Variants in SNX25 observed in about 807,000 individuals in gnomAD.
The protein encoded by SNX25 is sorting nexin 25, also known as sorting nexin-25.
In SNX25, 62 loss-of-function variants were observed where a neutral mutation model predicts 113.7. That is an observed-to-expected ratio of 0.55 (90% CI 0.44 to 0.67). SNX25 has a LOEUF of 0.67. Among genes scored for constraint, SNX25 ranks in the 30% least tolerant of loss-of-function variants. The pLI, the probability that SNX25 is intolerant of heterozygous loss-of-function variation, is 0.00. For synonymous variants in SNX25, 421 were observed against 436.2 expected, an observed-to-expected ratio of 0.97 and a Z score of 0.43; for missense variants, 1,014 against 1,161.0, an observed-to-expected ratio of 0.87 and a Z score of 1.84.
chr4:185,278,553 G>A (rs998298806), intron 5 of SNX25, among the ~76,000 whole-genome samples: 4 of 152,094 alleles, frequency 2.6e-5, no homozygotes, highest in African/African-American at 9.7e-5. Context: ...GTCTTTCAGT[G>A]AGAGCTAAAA....
At chr4:185,259,155 C>A in intron 3 of SNX25, 91 bp downstream of exon 3, 1 of 1,045,176 alleles carries the variant, frequency 9.6e-7, no homozygotes, top group Non-Finnish European at 1.4e-6. Context: ...CTAGAATATT[C>A]TGCCTATTGC....
At chr4:185,361,217 C>T (rs148965239) in intron 16 of SNX25, among the ~76,000 whole-genome samples, 1 of 152,162 alleles carries the variant, frequency 6.6e-6, no homozygotes, top group Non-Finnish European at 1.5e-5. Flanking sequence ...AAAGCCTGCT[C>T]CTCCTGCGGA....
intron 9 of SNX25, among the ~76,000 whole-genome samples, chr4:185,328,784 C>T (rs193142476): frequency 7.8e-4 from 118 of 152,200 alleles, no homozygotes; most frequent in African/African-American, 2.7e-3. Flanking sequence ...CCAGGCGCTT[C>T]CTGGAGAGGG....
chr4:185,276,483 A>G (rs1749698159), intron 5 of SNX25, among the ~76,000 whole-genome samples: 1 of 152,188 alleles, frequency 6.6e-6, no homozygotes, highest in African/African-American at 2.4e-5. Context: ...AACAAACAAG[A>G]CCAAAATGTC....
chr4:185,293,917 A>G (rs930638062), intron 6 of SNX25, among the ~76,000 whole-genome samples: 1 of 152,204 alleles, frequency 6.6e-6, no homozygotes, highest in Non-Finnish European at 1.5e-5. Context: ...GAAAACTTTA[A>G]AAAATATCTT....
At chr4:185,375,516 G>GTATATATATATATATATGTA in the SNX25 span, 1 of 46,680 alleles carries the variant, frequency 2.1e-5, no homozygotes, top group African/African-American at 8.8e-5. Context: ...ATATATATAT[G>GTATATATATATATATATGTA]TATATATATA....
chr4:185,357,777 T>C (rs188224058), intron 16 of SNX25, 40 bp downstream of exon 16: 23 of 1,529,806 alleles, frequency 1.5e-5, no homozygotes, highest in Admixed American at 6.7e-5. Context: ...CATGCCCTAC[T>C]CTTTTGCCTT....
intron 10 of SNX25, among the ~76,000 whole-genome samples, chr4:185,338,299 G>A (rs1213381448): frequency 2.1e-5 from 3 of 144,026 alleles, no homozygotes; most frequent in African/African-American, 7.8e-5. Context: ...TTTTTGAGAC[G>A]GAGTCTCACT....
intron 5 of SNX25, among the ~76,000 whole-genome samples, chr4:185,272,657 A>G (rs74659404): frequency 1.3e-5 from 2 of 152,188 alleles, no homozygotes; most frequent in African/African-American, 2.4e-5. Flanking sequence ...TCTCTTGTAA[A>G]TGGAGTATTC....
intron 13 of SNX25, among the ~76,000 whole-genome samples, chr4:185,347,960 C>T (rs1389540193): frequency 1.3e-5 from 2 of 152,070 alleles, no homozygotes; most frequent in African/African-American, 4.8e-5. Flanking sequence ...TTAATTTAGC[C>T]CACTTTATCA....
chr4:185,325,640 C>A (rs1214490650), intron 9 of SNX25, among the ~76,000 whole-genome samples: 3 of 151,760 alleles, frequency 2.0e-5, no homozygotes, highest in Non-Finnish European at 1.5e-5. Flanking sequence ...ATTAAATAGA[C>A]CTTTTAAATT....
intron 1 of SNX25, among the ~76,000 whole-genome samples, chr4:185,219,779 TATGTAA>T (rs1398115360): frequency 1.3e-5 from 2 of 152,086 alleles, no homozygotes; most frequent in East Asian, 3.9e-4. Flanking sequence ...CTCTTCCTCT[TATGTAA>T]ATCAACTCAT....
At chr4:185,345,677 G>C (rs574898051) in intron 12 of SNX25, among the ~76,000 whole-genome samples, 7 of 152,024 alleles carry the variant, frequency 4.6e-5, no homozygotes, top group African/African-American at 1.7e-4. Flanking sequence ...TGTAGTCCCA[G>C]CTACTTGGGA....
chr4:185,295,006 C>A (rs915748850), intron 6 of SNX25, among the ~76,000 whole-genome samples: 2 of 152,122 alleles, frequency 1.3e-5, no homozygotes, highest in Non-Finnish European at 2.9e-5. Flanking sequence ...TTCTAGATAG[C>A]TGCATTAAAA....
At chr4:185,239,419 C>G (rs1743256883) in intron 1 of SNX25, among the ~76,000 whole-genome samples, 1 of 152,100 alleles carries the variant, frequency 6.6e-6, no homozygotes, top group Admixed American at 6.5e-5. Flanking sequence ...GGACGCGGAG[C>G]TTGCAGTGAG....
downstream of SNX25, chr4:185,365,872 T>A (rs562092484): frequency 6.6e-6 from 1 of 152,280 alleles, no homozygotes; most frequent in East Asian, 1.9e-4. Context: ...TGTTGAAATT[T>A]CTTCCCTTAC....
chr4:185,239,361 T>C (rs957156023), intron 1 of SNX25, among the ~76,000 whole-genome samples: 3 of 152,036 alleles, frequency 2.0e-5, no homozygotes, highest in Non-Finnish European at 2.9e-5. Flanking sequence ...TGGGCACCTG[T>C]AGTCCCAGCT....
At chr4:185,267,701 A>T in intron 5 of SNX25, among the ~76,000 whole-genome samples, 1 of 151,906 alleles carries the variant, frequency 6.6e-6, no homozygotes, top group East Asian at 1.9e-4. Flanking sequence ...ACTGCACTCC[A>T]GCCTGGGTGA....
chr4:185,378,189 T>A, the SNX25 span: 15 of 1,612,750 alleles, frequency 9.3e-6, no homozygotes, highest in Non-Finnish European at 1.3e-5. Flanking sequence ...AACTTCATCC[T>A]TTTTCTGCAA....
Sources: gnomAD v4.1 joint callset for allele counts (sites outside exome capture counted in the v4.1 genomes callset) on GRCh38, gnomAD v4.1.1 for gene constraint, MANE v1.5 for transcripts, NCBI Gene and HGNC (gene_info 2026-07-23, HGNC 2026-07-21) for gene names.